CDYL: variants seen among roughly 807,000 people sequenced by gnomAD.
CDYL encodes the protein chromodomain Y-like protein.
CDYL carries 8 observed loss-of-function variants against 47.3 expected under a neutral mutation model. That is an observed-to-expected ratio of 0.17 (90% confidence interval 0.10 to 0.31). The LOEUF is 0.31. CDYL is among the 10% of genes least tolerant of loss of function. The pLI, the probability that CDYL is intolerant of heterozygous loss-of-function variation, is 1.00. For missense variants in CDYL, 471 were observed against 701.4 expected, an observed-to-expected ratio of 0.67 and a Z score of 3.71; for synonymous variants, 266 against 265.0, an observed-to-expected ratio of 1.00 and a Z score of -0.04.
intron 1 of CDYL, among the ~76,000 whole-genome samples, chr6:4,872,249 A>T (rs1761496603): frequency 6.7e-6 from 1 of 150,362 alleles, no homozygotes; most frequent in Non-Finnish European, 1.5e-5. Context: ...CATGACCTTT[A>T]CACCAAGAGC....
intron 3 of CDYL, 85 bp downstream of exon 3, chr6:4,935,856 G>A: frequency 6.4e-7 from 1 of 1,573,710 alleles, no homozygotes; most frequent in Non-Finnish European, 8.6e-7. Flanking sequence ...GGCTCTTCCT[G>A]TGCTCTTTCT....
At chr6:4,918,330 T>A (rs1757613453) in intron 2 of CDYL, among the ~76,000 whole-genome samples, 1 of 152,206 alleles carries the variant, frequency 6.6e-6, no homozygotes, top group Admixed American at 6.5e-5. Context: ...TAATTCTGCC[T>A]TATTCTCTGC....
intron 1 of CDYL, among the ~76,000 whole-genome samples, chr6:4,884,781 AG>A (rs1240345882): frequency 6.6e-6 from 1 of 152,196 alleles, no homozygotes; most frequent in Non-Finnish European, 1.5e-5. Flanking sequence ...TTGTTCCAGC[AG>A]TTTTTACCTG....
chr6:4,950,994 C>A (rs1758685843), intron 5 of CDYL, among the ~76,000 whole-genome samples: 1 of 151,818 alleles, frequency 6.6e-6, no homozygotes, highest in African/African-American at 2.4e-5. Flanking sequence ...TGTTTTCCAG[C>A]CTCTGCCTGC....
chr6:4,795,903 A>G (rs1344819510), intron 1 of CDYL, among the ~76,000 whole-genome samples: 1 of 151,410 alleles, frequency 6.6e-6, no homozygotes, highest in Admixed American at 6.6e-5. Flanking sequence ...GCATCCTGTA[A>G]GTTTAATTTC....
Position 4,900,779 on chromosome 6 carries a change from G to GTGTATGTA in CDYL, c.691+8401_691+8402insGTATGTAT. On this transcript the variant is annotated intron_variant, in intron 2 of 6. Coordinates refer to ENST00000397588, the MANE Select transcript of CDYL (RefSeq NM_004824.4). ...TCTTCTGTTAATTCCGTATACGTGT[G>GTGTATGTA]TATATATATATATATATATATATAT... 7.7e-5 allele frequency among the ~76,000 whole-genome samples: 4 copies of GTGTATGTA among 51,706 alleles called. 1 individual carries two copies. Among genetic ancestry groups the GTGTATGTA allele is most frequent in the African/African-American group, 2.5e-4 (4 of 15,864 alleles). The allele number at this position is 51,706 out of a possible 152,430, so 33.9% of individuals were successfully genotyped here.
chr6:4,830,437 C>T (rs1345970857), intron 1 of CDYL, among the ~76,000 whole-genome samples: 1 of 152,168 alleles, frequency 6.6e-6, no homozygotes, highest in Admixed American at 6.5e-5. Context: ...CAGGCTACCC[C>T]ATTGTGTCTG....
intron 1 of CDYL, among the ~76,000 whole-genome samples, chr6:4,789,459 C>T (rs1363543319): frequency 2.0e-5 from 3 of 152,110 alleles, no homozygotes; most frequent in African/African-American, 7.2e-5. Context: ...CTTGCTGGGC[C>T]GGTTTTATTT....
At chr6:4,900,779 G>GTGTGTGTGTGTGTGTGTATATATA in intron 2 of CDYL, among the ~76,000 whole-genome samples, 2 of 51,712 alleles carry the variant, frequency 3.9e-5, no homozygotes, top group African/African-American at 6.3e-5. Flanking sequence ...GTATACGTGT[G>GTGTGTGTGTGTGTGTGTATATATA]TATATATATA....
chr6:4,947,814 G>A (rs1043543995), intron 5 of CDYL, among the ~76,000 whole-genome samples: 16 of 152,284 alleles, frequency 1.1e-4, no homozygotes, highest in African/African-American at 3.4e-4. Flanking sequence ...CTGGAACCAC[G>A]TGGCCTCACG....
intron 3 of CDYL, among the ~76,000 whole-genome samples, chr6:4,748,066 T>C (rs1187585002): frequency 6.6e-6 from 1 of 152,194 alleles, no homozygotes; most frequent in Non-Finnish European, 1.5e-5. Context: ...TCACAGAGCA[T>C]GTCAGGGAGC....
intron 1 of CDYL, among the ~76,000 whole-genome samples, chr6:4,860,508 TA>T (rs1211361734): frequency 8.1e-5 from 12 of 147,456 alleles, no homozygotes; most frequent in African/African-American, 2.2e-4. Flanking sequence ...TATATATATA[TA>T]AAAAATATAT....
At position 4,904,802 on chromosome 6, in the gene CDYL, A is replaced by G. The variant is rs148838205; in HGVS notation, c.691+12423A>G. On this transcript the variant is annotated intron_variant, in intron 2 of 6. Coordinates refer to ENST00000397588, the MANE Select transcript of CDYL (RefSeq NM_004824.4). ...AAAGCTGTAAACGGCTTTGGGCCTC[A>G]TCGTACAGCTACAGGTTGTACTTAG... 4.1e-3 allele frequency among the ~76,000 whole-genome samples: 629 copies of G among 152,316 alleles called. 1 individual carries two copies. The highest frequency in any genetic ancestry group is 0.014 in the African/African-American group (597 of 41,568).
chr6:4,899,946 TGA>T (rs1756969498), intron 2 of CDYL, among the ~76,000 whole-genome samples: 1 of 152,194 alleles, frequency 6.6e-6, no homozygotes, highest in South Asian at 2.1e-4. Context: ...CTGCAGACTT[TGA>T]GAGTTTTTTC....
chr6:4,740,159 A>G (rs1028282300), intron 3 of CDYL, among the ~76,000 whole-genome samples: 5 of 152,200 alleles, frequency 3.3e-5, no homozygotes, highest in African/African-American at 1.2e-4. Flanking sequence ...GAAGTTATCT[A>G]TCAAGAACAG....
intron 3 of CDYL, among the ~76,000 whole-genome samples, chr6:4,764,908 A>G (rs1431167910): frequency 5.9e-5 from 9 of 152,250 alleles, no homozygotes; most frequent in Non-Finnish European, 1.5e-5. Flanking sequence ...TAAAAAATAC[A>G]TAGTCTTTTG....
intron 1 of CDYL, among the ~76,000 whole-genome samples, chr6:4,820,645 C>A (rs890058903): frequency 1.3e-5 from 2 of 152,168 alleles, no homozygotes; most frequent in African/African-American, 4.8e-5. Context: ...TAAGAAGAGG[C>A]TGCATAGACA....
intron 1 of CDYL, among the ~76,000 whole-genome samples, chr6:4,878,544 A>T (rs1308503142): frequency 6.6e-6 from 1 of 152,038 alleles, no homozygotes; most frequent in African/African-American, 2.4e-5. Flanking sequence ...ATCAAGGAAC[A>T]TGTCTACTTT....
In CDYL at chr6:4,880,820, A is replaced by G. The variant is rs1197298195; in HGVS notation, c.25-10893A>G. ...CTTTTCATGTTTATTTGCCATCAGT[A>G]TGTCATCTTTGGGGAGATGTCTTTT... On this transcript the variant is annotated intron_variant, in intron 1 of 6. Transcript: ENST00000397588. Among the ~76,000 whole-genome samples the G allele has an allele frequency of 1.3e-5, 2 of 152,206 alleles. 1 individual carries two copies. Among genetic ancestry groups the G allele is most frequent in the African/African-American group, 4.8e-5 (2 of 41,448 alleles).
Sources: allele counts gnomAD v4.1 joint callset (sites outside exome capture counted in the v4.1 genomes callset), GRCh38; gene constraint gnomAD v4.1.1; transcripts MANE v1.5; gene names NCBI Gene and HGNC (gene_info 2026-07-23, HGNC 2026-07-21).